Variants in SIPA1L3 observed in about 807,000 individuals in gnomAD.
SIPA1L3 encodes the protein signal induced proliferation associated 1 like 3.
Under a neutral mutation model 150.1 loss-of-function variants are expected in SIPA1L3, and 59 were observed. The observed-to-expected ratio is 0.39, with a 90% CI of 0.32 to 0.49. The LOEUF is 0.49. Ranked by LOEUF, SIPA1L3 falls within the 20% of genes least tolerant of loss-of-function variation. SIPA1L3 has a pLI of 0.86. For synonymous variants in SIPA1L3, 1,070 were observed against 1,077.6 expected, an observed-to-expected ratio of 0.99 and a Z score of 0.14; for missense variants, 2,211 against 2,489.5, an observed-to-expected ratio of 0.89 and a Z score of 2.38.
At chr19:37,976,495 A>G (rs532899126) in intron 1 of SIPA1L3, among the ~76,000 whole-genome samples, 4 of 152,260 alleles carry the variant, frequency 2.6e-5, no homozygotes, top group Non-Finnish European at 5.9e-5. Flanking sequence ...CAAGCAACAG[A>G]AATCAACTCA....
intron 1 of SIPA1L3, among the ~76,000 whole-genome samples, chr19:38,016,045 C>T (rs1968225461): frequency 6.6e-6 from 1 of 152,178 alleles, no homozygotes; most frequent in African/African-American, 2.4e-5. Context: ...CGGATCTCTT[C>T]TGCTCACATG....
chr19:38,099,860 A>G (rs1411679160), intron 4 of SIPA1L3, 102 bp from the exon 5 acceptor site: 7 of 1,015,806 alleles, frequency 6.9e-6, no homozygotes, highest in Middle Eastern at 2.1e-4. Flanking sequence ...CAAACTTCCA[A>G]TCATCACACA....
chr19:38,127,134 A>G (rs28637743), intron 9 of SIPA1L3, among the ~76,000 whole-genome samples: 4,413 of 152,196 alleles, frequency 0.029, 208 homozygotes, highest in African/African-American at 0.1. Flanking sequence ...GGAGGTTGCG[A>G]TGAGCCAAGA....
At chr19:38,020,441 GCAC>G (rs1212828537) in intron 1 of SIPA1L3, among the ~76,000 whole-genome samples, 1 of 152,188 alleles carries the variant, frequency 6.6e-6, no homozygotes, top group Non-Finnish European at 1.5e-5. Flanking sequence ...TTGTGGAAAA[GCAC>G]CCAACAGTCG....
intron 1 of SIPA1L3, among the ~76,000 whole-genome samples, chr19:38,016,029 G>A (rs1228854268): frequency 1.3e-5 from 2 of 152,192 alleles, no homozygotes; most frequent in African/African-American, 4.8e-5. Context: ...AGGCACACAC[G>A]TGGCTCGGAT....
At chr19:38,187,693 G>GGGCGAC (rs1348030008) in intron 16 of SIPA1L3, among the ~76,000 whole-genome samples, 1 of 142,484 alleles carries the variant, frequency 7.0e-6, no homozygotes, top group East Asian at 2.0e-4. Context: ...ACTCCAGCCT[G>GGGCGAC]GGCGACAGCG....
At chr19:37,964,970 A>G (rs1015316670) in intron 1 of SIPA1L3, among the ~76,000 whole-genome samples, 3 of 152,178 alleles carry the variant, frequency 2.0e-5, no homozygotes, top group Non-Finnish European at 4.4e-5. Context: ...ATTGAGTTAG[A>G]TAGAATTCTC....
At chr19:37,921,550 C>T in intron 1 of SIPA1L3, among the ~76,000 whole-genome samples, 1 of 152,058 alleles carries the variant, frequency 6.6e-6, no homozygotes, top group East Asian at 1.9e-4. Context: ...CCTCAAGCTT[C>T]CATAAACTTC....
intron 2 of SIPA1L3, among the ~76,000 whole-genome samples, chr19:38,076,323 AAC>A (rs1376088431): frequency 6.6e-6 from 1 of 152,098 alleles, no homozygotes. Flanking sequence ...CACACACACA[AAC>A]ACACTGCCAA....
At chr19:38,104,318 A>T (rs1413190020) in intron 6 of SIPA1L3, among the ~76,000 whole-genome samples, 1 of 152,234 alleles carries the variant, frequency 6.6e-6, no homozygotes, top group Non-Finnish European at 1.5e-5. Context: ...GATCTTGGAC[A>T]GGTGGCTTTG....
chr19:37,911,071 A>G (rs900879050), intron 1 of SIPA1L3, among the ~76,000 whole-genome samples: 4 of 151,952 alleles, frequency 2.6e-5, no homozygotes, highest in Non-Finnish European at 5.9e-5. Context: ...TCCACTCCAA[A>G]ACCCCATGTC....
chr19:38,181,863 A>G (rs111352280), intron 15 of SIPA1L3, among the ~76,000 whole-genome samples: 14 of 145,954 alleles, frequency 9.6e-5, no homozygotes, highest in African/African-American at 3.1e-4. Context: ...AAAAAAAAAA[A>G]GGTTAAGGGC....
chr19:37,967,774 TA>T (rs946842905), intron 1 of SIPA1L3, among the ~76,000 whole-genome samples: 116 of 150,972 alleles, frequency 7.7e-4, no homozygotes, highest in African/African-American at 2.3e-3. Context: ...TGTTAAACTT[TA>T]AAAAAAAAAG....
intron 2 of SIPA1L3, among the ~76,000 whole-genome samples, chr19:38,057,083 C>G (rs922522929): frequency 6.6e-6 from 1 of 151,974 alleles, no homozygotes; most frequent in Non-Finnish European, 1.5e-5. Context: ...CCAGTCTGGC[C>G]AACATGGCGA....
At chr19:38,042,513 T>C (rs969736762) in intron 2 of SIPA1L3, among the ~76,000 whole-genome samples, 10 of 152,244 alleles carry the variant, frequency 6.6e-5, no homozygotes, top group Non-Finnish European at 1.2e-4. Context: ...TGTGAATACT[T>C]GGGAATACTT....
Position 38,017,057 on chromosome 19 carries a change from T to C in SIPA1L3, c.-378-12032T>C, listed in dbSNP as rs187031713. Reference sequence around the variant, plus strand: ...GATTACAGGGGCACACGATCACACCTGGCTAATTTTTCCATTTTTGATAGA... The same window carrying C: ...GATTACAGGGGCACACGATCACACCCGGCTAATTTTTCCATTTTTGATAGA... On this transcript the variant is annotated intron_variant, in intron 1 of 21. Coordinates refer to ENST00000222345, the MANE Select transcript of SIPA1L3 (RefSeq NM_015073.3). Among the ~76,000 whole-genome samples the C allele has an allele frequency of 6.4e-4, 96 of 150,738 alleles. 1 individual carries two copies. The highest frequency in any genetic ancestry group is 7.1e-4 in the Non-Finnish European group (48 of 67,604).
intron 1 of SIPA1L3, among the ~76,000 whole-genome samples, chr19:37,927,654 G>GGTGTGTGTGTGT (rs57987208): frequency 7.3e-6 from 1 of 136,836 alleles, no homozygotes; most frequent in Admixed American, 7.4e-5. Context: ...AAGAACATGG[G>GGTGTGTGTGTGT]GTGTGTGTGT....
At chr19:38,099,897 G>A (rs2145856361) in intron 4 of SIPA1L3, 65 bp from the exon 5 acceptor site, 1 of 1,314,728 alleles carries the variant, frequency 7.6e-7, no homozygotes, top group Non-Finnish European at 1.1e-6. Flanking sequence ...AGATACCTCT[G>A]CTATGCTCTT....
At chr19:38,158,597 T>A (rs887995913) in intron 13 of SIPA1L3, among the ~76,000 whole-genome samples, 3 of 152,112 alleles carry the variant, frequency 2.0e-5, no homozygotes, top group Non-Finnish European at 4.4e-5. Context: ...CAGATTACTG[T>A]CAGGTGGGGT....
Sources: allele counts gnomAD v4.1 joint callset (sites outside exome capture counted in the v4.1 genomes callset), GRCh38; gene constraint gnomAD v4.1.1; transcripts MANE v1.5; gene names NCBI Gene and HGNC (gene_info 2026-07-23, HGNC 2026-07-21).